The following MMP26 variants were observed in gnomAD, a reference collection of about 807,000 sequenced individuals.
MMP26 encodes the protein matrix metalloproteinase-26.
In MMP26, 33 loss-of-function variants were observed where a neutral mutation model predicts 31.0. That is an observed-to-expected ratio of 1.06 (90% CI 0.81 to 1.42). The LOEUF (loss-of-function observed/expected upper bound fraction) is 1.42, where lower values mean the gene tolerates loss of function less well. Among genes scored for constraint, MMP26 ranks in the 40% most tolerant of loss-of-function variants. The probability of loss-of-function intolerance (pLI) is 0.00; values close to 1 mark genes in which losing one functional copy is unlikely to be tolerated. For synonymous variants in MMP26, 122 were observed against 114.9 expected (o/e 1.06, Z -0.40); for missense variants, 347 against 316.1 (o/e 1.10, Z -0.74).
At chr11:4,943,992 T>C (rs781541636) in intron 2 of MMP26, 9 of 414,148 alleles carry the variant, frequency 2.2e-5, no homozygotes, top group Non-Finnish European at 3.3e-5. Context: ...GAAGTCTTCA[T>C]ATTGGGCTGC....
At chr11:4,760,565 C>T (rs922938232) in intron 1 of MMP26, among the ~76,000 whole-genome samples, 3 of 152,156 alleles carry the variant, frequency 2.0e-5, no homozygotes, top group African/African-American at 7.2e-5. Flanking sequence ...TTCCTTGCTA[C>T]GTATCTCTAC....
intron 1 of MMP26, among the ~76,000 whole-genome samples, chr11:4,715,340 T>TA (rs58818646): frequency 0.14 from 20,119 of 144,694 alleles, 1,674 homozygotes; most frequent in Middle Eastern, 0.22. Flanking sequence ...TTTTTTCCTG[T>TA]AAAAAAAAAA....
intron 1 of MMP26, among the ~76,000 whole-genome samples, chr11:4,742,384 T>C (rs1848326526): frequency 6.6e-6 from 1 of 152,122 alleles, no homozygotes; most frequent in African/African-American, 2.4e-5. Flanking sequence ...CAGCAAATAA[T>C]GGTGTCTAGA....
At chr11:4,963,124 C>A (rs1356035712) in intron 2 of MMP26, among the ~76,000 whole-genome samples, 1 of 152,090 alleles carries the variant, frequency 6.6e-6, no homozygotes, top group Non-Finnish European at 1.5e-5. Flanking sequence ...TGAGTGAACT[C>A]CCATTAACAA....
chr11:4,810,971 C>A (rs1049840038), intron 2 of MMP26, among the ~76,000 whole-genome samples: 1 of 152,102 alleles, frequency 6.6e-6, no homozygotes, highest in African/African-American at 2.4e-5. Flanking sequence ...TACATGGATA[C>A]AATTACCAAG....
chr11:4,825,689 T>C (rs1293705900), intron 2 of MMP26, among the ~76,000 whole-genome samples: 18 of 152,222 alleles, frequency 1.2e-4, no homozygotes, highest in Non-Finnish European at 2.9e-5. Context: ...CAAATGAGTG[T>C]GTTAGTAATT....
chr11:4,915,696 C>T, intron 2 of MMP26: 1 of 1,501,374 alleles, frequency 6.7e-7, no homozygotes, highest in Non-Finnish European at 9.1e-7. Flanking sequence ...GGTGGGTGCC[C>T]TCCAAAATCC....
rs1379284595 is a variant in MMP26, at chr11:4,954,877, A to G, written c.-144-33191A>G. The stretch of plus-strand genomic sequence containing the variant: ...TCAGCGGAGGTACAAGTAGGAGAAC[A>G]TTTGCCATGAGAACATTAATGAGGG... On this transcript the variant is annotated intron_variant, in intron 2 of 7. Coordinates refer to ENST00000380390, the MANE Select transcript of MMP26 (RefSeq NM_021801.5). 26 of 1,122,162 alleles carry G rather than the reference A, an allele frequency of 2.3e-5. 10 individuals carry two copies. Among genetic ancestry groups the G allele is most frequent in the Non-Finnish European group, 3.3e-5 (26 of 784,972 alleles). The allele number at this position is 1,122,162 out of a possible 1,614,324, so 69.5% of individuals were successfully genotyped here.
chr11:4,884,510 A>G (rs1850522367), intron 2 of MMP26, among the ~76,000 whole-genome samples: 1 of 152,166 alleles, frequency 6.6e-6, no homozygotes, highest in Non-Finnish European at 1.5e-5. Context: ...GTTTCTAGAC[A>G]TCTGACGCCA....
intron 2 of MMP26, among the ~76,000 whole-genome samples, chr11:4,899,284 G>GGAATA (rs1336773384): frequency 6.6e-6 from 1 of 152,066 alleles, no homozygotes; most frequent in African/African-American, 2.4e-5. Flanking sequence ...GCTTCATTTG[G>GGAATA]GAATAGCTCT....
chr11:4,935,028 C>A (rs1406908630), intron 2 of MMP26, among the ~76,000 whole-genome samples: 1 of 151,590 alleles, frequency 6.6e-6, no homozygotes, highest in East Asian at 1.9e-4. Context: ...CAGCTTTGTT[C>A]TTTTGGCTTA....
chr11:4,735,136 A>G (rs1848222708), intron 1 of MMP26, among the ~76,000 whole-genome samples: 1 of 152,208 alleles, frequency 6.6e-6, no homozygotes. Flanking sequence ...TGGAGCTATC[A>G]GCTATCAGTA....
At chr11:4,770,837 G>A (rs565819414) in intron 2 of MMP26, among the ~76,000 whole-genome samples, 8 of 151,614 alleles carry the variant, frequency 5.3e-5, no homozygotes, top group African/African-American at 1.2e-4. Flanking sequence ...GAGAGACTCC[G>A]TCTAAAAAAG....
At chr11:4,904,961 G>A (rs1008831956) in intron 2 of MMP26, among the ~76,000 whole-genome samples, 6 of 152,062 alleles carry the variant, frequency 3.9e-5, no homozygotes, top group Non-Finnish European at 7.4e-5. Flanking sequence ...TGGTAGGGTA[G>A]GGTTACATGA....
chr11:4,873,428 T>C (rs1358822741), intron 2 of MMP26, among the ~76,000 whole-genome samples: 2 of 152,138 alleles, frequency 1.3e-5, no homozygotes, highest in African/African-American at 4.8e-5. Context: ...AAGTGCAAAG[T>C]CATTGAGACA....
intron 2 of MMP26, among the ~76,000 whole-genome samples, chr11:4,910,480 C>T (rs1850974114): frequency 6.6e-6 from 1 of 151,978 alleles, no homozygotes; most frequent in African/African-American, 2.4e-5. Flanking sequence ...CTCTGCCTAC[C>T]ACAAATACAT....
intron 2 of MMP26, among the ~76,000 whole-genome samples, chr11:4,941,546 A>G (rs529286164): frequency 2.9e-4 from 44 of 152,284 alleles, no homozygotes; most frequent in African/African-American, 1.0e-3. Context: ...GTTAAAATGA[A>G]TATTTTGATT....
chr11:4,770,843 AAAAG>A (rs1848706323), intron 2 of MMP26, among the ~76,000 whole-genome samples: 1 of 152,168 alleles, frequency 6.6e-6, no homozygotes, highest in Non-Finnish European at 1.5e-5. Context: ...CTCCGTCTAA[AAAAG>A]AAGAAAAAAA....
At chr11:4,764,697 C>T (rs145098599) in intron 1 of MMP26, among the ~76,000 whole-genome samples, 1,931 of 152,240 alleles carry the variant, frequency 0.013, 39 homozygotes, top group African/African-American at 0.044. Context: ...CACGGTGAAA[C>T]CCCGTCTCTA....
Sources: allele counts gnomAD v4.1 joint callset (sites outside exome capture counted in the v4.1 genomes callset), GRCh38; gene constraint gnomAD v4.1.1; transcripts MANE v1.5; gene names NCBI Gene and HGNC (gene_info 2026-07-23, HGNC 2026-07-21).